The following NUP205 variants were observed in gnomAD, a reference collection of about 807,000 sequenced individuals.
The protein encoded by NUP205 is nucleoporin 205, also known as nuclear pore complex protein Nup205.
Under a neutral mutation model 253.8 loss-of-function variants are expected in NUP205, and 76 were observed. The observed-to-expected ratio is 0.30, with a 90% confidence interval of 0.25 to 0.36. The LOEUF is 0.36. Ranked by LOEUF, NUP205 falls within the 10% of genes least tolerant of loss-of-function variation. The pLI, the probability that NUP205 is intolerant of heterozygous loss-of-function variation, is 1.00. For synonymous variants in NUP205, 832 were observed against 850.1 expected (o/e 0.98, Z 0.37); for missense variants, 2,162 against 2,425.5 (o/e 0.89, Z 2.28).
At chr7:135,620,469 G>C (rs1306582489) in intron 30 of NUP205, among the ~76,000 whole-genome samples, 2 of 152,170 alleles carry the variant, frequency 1.3e-5, no homozygotes, top group Non-Finnish European at 1.5e-5. Context: ...GGAGGCAGAG[G>C]TTTCCCAGAT....
chr7:135,622,645 C>A, intron 30 of NUP205, 132 bp from the exon 31 acceptor site: 2 of 759,566 alleles, frequency 2.6e-6, no homozygotes, highest in Non-Finnish European at 4.1e-6. Context: ...TGTGTACAAG[C>A]AGTGATGGAA....
chr7:135,582,682 C>A (rs1806341330), intron 7 of NUP205, among the ~76,000 whole-genome samples: 1 of 152,110 alleles, frequency 6.6e-6, no homozygotes, highest in Non-Finnish European at 1.5e-5. Context: ...CTAGGCTGGT[C>A]TTGAACTCCT....
intron 1 of NUP205, among the ~76,000 whole-genome samples, chr7:135,560,976 T>G (rs1359972348): frequency 6.6e-6 from 1 of 152,246 alleles, no homozygotes; most frequent in Non-Finnish European, 1.5e-5. Context: ...GTTATGTGCT[T>G]CCTTTAAATT....
intron 19 of NUP205, 33 bp downstream of exon 19, chr7:135,604,493 G>C (rs76097323): frequency 3.8e-6 from 6 of 1,586,524 alleles, no homozygotes; most frequent in Non-Finnish European, 5.1e-6. Context: ...TTATTTTTTG[G>C]TGCATTTTGC....
intron 32 of NUP205, 119 bp downstream of exon 32, chr7:135,625,474 T>C: frequency 6.7e-6 from 5 of 750,758 alleles, no homozygotes; most frequent in Non-Finnish European, 1.0e-5. Context: ...GCTGGAATCC[T>C]TTTTTAAGGA....
chr7:135,587,513 T>A lies in NUP205; in HGVS notation c.1219-62T>A, dbSNP rs574723909. ...GTCACTTTAAGACAGTTGCCTGATT[T>A]CATTATTATTAGCATGTACAATACA... On this transcript the variant is annotated intron_variant, in intron 8 of 42. Coordinates refer to ENST00000285968, the MANE Select transcript of NUP205 (RefSeq NM_015135.3). The A allele has an allele frequency of 1.2e-5, 11 of 929,842 alleles. No homozygotes were observed. In the African/African-American group the frequency reaches 1.8e-4, roughly 15 times the overall value. 57.6% of individuals were successfully genotyped at this position (929,842 alleles called of 1,614,324 possible).
intron 35 of NUP205, among the ~76,000 whole-genome samples, chr7:135,632,760 G>A (rs1794738781): frequency 6.6e-6 from 1 of 152,082 alleles, no homozygotes; most frequent in Admixed American, 6.6e-5. Flanking sequence ...CTGTAGTGTT[G>A]TGGGGTGGAA....
intron 7 of NUP205, among the ~76,000 whole-genome samples, chr7:135,584,218 T>C (rs1238464916): frequency 6.6e-6 from 1 of 152,184 alleles, no homozygotes; most frequent in African/African-American, 2.4e-5. Flanking sequence ...GGGGAAGATA[T>C]AGATGAGGTA....
chr7:135,614,979 C>T (rs1257203520), intron 23 of NUP205, among the ~76,000 whole-genome samples: 3 of 152,068 alleles, frequency 2.0e-5, no homozygotes, highest in East Asian at 1.9e-4. Context: ...AGAGTAATGG[C>T]GTTAGACCTC....
chr7:135,562,409 G>GCT (rs1805609084), intron 1 of NUP205, among the ~76,000 whole-genome samples: 1 of 151,726 alleles, frequency 6.6e-6, no homozygotes, highest in African/African-American at 2.4e-5. Context: ...CGTTGGCCAG[G>GCT]GGTGCCTCGA....
intron 40 of NUP205, 63 bp from the exon 41 acceptor site, chr7:135,645,405 C>G: frequency 1.9e-6 from 3 of 1,547,538 alleles, no homozygotes; most frequent in Non-Finnish European, 2.6e-6. Flanking sequence ...TCTTCTCCTC[C>G]GAAACTGGTG....
At chr7:135,574,062 T>TA (rs1462031306) in intron 3 of NUP205, among the ~76,000 whole-genome samples, 1 of 152,138 alleles carries the variant, frequency 6.6e-6, no homozygotes, top group Admixed American at 6.6e-5. Context: ...AACCTCCACT[T>TA]ACCGGGTTCA....
At chr7:135,587,524 A>G (rs1441387057) in intron 8 of NUP205, 51 bp from the exon 9 acceptor site, 3 of 1,051,952 alleles carry the variant, frequency 2.9e-6, no homozygotes, top group Admixed American at 2.4e-5. Flanking sequence ...CATTATTATT[A>G]GCATGTACAA....
At position 135,645,506 on chromosome 7, in the gene NUP205, C is replaced by T. The variant is rs572584918; in HGVS notation, c.5722C>T (p.Leu1908=). The T allele has an allele frequency of 1.4e-5, 23 of 1,613,940 alleles. No homozygotes were observed. The East Asian group carries it at 1.6e-4, about 11-fold the overall frequency. The change falls in exon 41 of 43, where the codon CTG becomes TTG. Residue 1908 remains leucine (L), a synonymous_variant. Transcript: ENST00000285968. ...ETCLFILWRH[L]EYYLLHCMPT... is the part of the protein sequence containing the mutation. ...CTGCCTATTTATTCTTTGGCGCCAT[C>T]TGGAGTACTACTTGTTACATTGCAT...
intron 28 of NUP205, 75 bp downstream of exon 28, chr7:135,618,678 T>A: frequency 7.7e-7 from 1 of 1,302,140 alleles, no homozygotes; most frequent in Non-Finnish European, 1.1e-6. Context: ...GGCATCCTAA[T>A]TGTTTTCCAT....
At chr7:135,646,070 T>G in intron 41 of NUP205, 88 bp from the exon 42 acceptor site, 1 of 843,662 alleles carries the variant, frequency 1.2e-6, no homozygotes, top group Non-Finnish European at 2.0e-6. Flanking sequence ...CATGGTGCTA[T>G]TGTTATTATT....
chr7:135,648,006 CT>C (rs1447481965), intron 42 of NUP205, among the ~76,000 whole-genome samples: 3 of 152,072 alleles, frequency 2.0e-5, no homozygotes, highest in African/African-American at 7.2e-5. Flanking sequence ...TCTTTCCCAC[CT>C]ACCCTCCTGT....
chr7:135,629,528 TC>T lies in NUP205; in HGVS notation c.4933-815del, dbSNP rs1309324648. On this transcript the variant is annotated intron_variant, in intron 34 of 42. Transcript: ENST00000285968. ...CTCTCTCTGTCTCTCTCTCTGTCTC[TC>T]TTTTTTTTTTTTTTTGAGACAGAGT... Among the ~76,000 whole-genome samples, 709 of 132,196 alleles carry T rather than the reference TC, an allele frequency of 5.4e-3. 10 individuals are homozygous for T. The highest frequency in any genetic ancestry group is 0.045 in the East Asian group (210 of 4,700). 86.7% of individuals were successfully genotyped at this position (132,196 alleles called of 152,430 possible).
At chr7:135,624,519 G>T (rs1473144714) in intron 31 of NUP205, among the ~76,000 whole-genome samples, 3 of 152,098 alleles carry the variant, frequency 2.0e-5, no homozygotes, top group Non-Finnish European at 4.4e-5. Flanking sequence ...CAGATTACAG[G>T]TGCCCACCAC....
Sources: allele counts gnomAD v4.1 joint callset (sites outside exome capture counted in the v4.1 genomes callset), GRCh38; gene constraint gnomAD v4.1.1; transcripts MANE v1.5; gene names NCBI Gene and HGNC (gene_info 2026-07-23, HGNC 2026-07-21).